The following DGAT1 variants were observed in gnomAD, a reference collection of about 807,000 sequenced individuals.
DGAT1 encodes the protein diacylglycerol O-acyltransferase 1.
DGAT1 carries 60 observed loss-of-function variants against 72.6 expected under a neutral mutation model. That is an observed-to-expected ratio of 0.83 (90% CI 0.67 to 1.02). DGAT1 has a LOEUF of 1.02. Among genes scored for constraint, DGAT1 ranks in the 50% least tolerant of loss-of-function variants. The probability of loss-of-function intolerance (pLI) is 0.00; values close to 1 mark genes in which losing one functional copy is unlikely to be tolerated. For synonymous variants in DGAT1, 290 were observed against 267.5 expected, an observed-to-expected ratio of 1.08 and a Z score of -0.82; for missense variants, 592 against 670.0, an observed-to-expected ratio of 0.88 and a Z score of 1.29.
intron 2 of DGAT1, 119 bp from the exon 3 acceptor site, chr8:144,319,187 C>T: frequency 1.7e-6 from 2 of 1,165,970 alleles, no homozygotes; most frequent in Non-Finnish European, 2.5e-6. Flanking sequence ...CAGCCTCAGG[C>T]TTGCAGACCC....
rs1588679135 is a variant in DGAT1 at position 144,316,237 on chromosome 8, G to A, written c.*317C>T. On this transcript the variant is annotated 3_prime_UTR_variant, in exon 17 of 17. Coordinates refer to ENST00000528718, the MANE Select transcript of DGAT1 (RefSeq NM_012079.6). ...CCACACAGCTCTGGCACTCGCCCTT[G>A]TGGGTGTGGCCATACCCCCCACCAG... 1 of 332,904 alleles carries A rather than the reference G, an allele frequency of 3.0e-6. No homozygotes were observed. Among genetic ancestry groups the A allele is most frequent in the East Asian group, 6.0e-5 (1 of 16,804 alleles). The allele number at this position is 332,904 out of a possible 1,614,324, so 20.6% of individuals were successfully genotyped here. A position where few individuals can be genotyped will look rare whatever the true frequency, so the allele number is the denominator to read the frequency against.
intron 1 of DGAT1, among the ~76,000 whole-genome samples, chr8:144,325,928 C>G (rs1421067543): frequency 6.6e-6 from 1 of 152,138 alleles, no homozygotes; most frequent in African/African-American, 2.4e-5. Flanking sequence ...AACACTGCCC[C>G]TTGTCCGGGG....
chr8:144,318,318 T>C lies in DGAT1; in HGVS notation c.619A>G (p.Lys207Glu). 6.2e-7 allele frequency: 1 copy of C among 1,612,456 alleles called. No homozygotes were observed. Among genetic ancestry groups the C allele is most frequent in the Non-Finnish European group, 8.5e-7 (1 of 1,179,748 alleles). The change falls in exon 7 of 17, where the codon AAG becomes GAG. Residue 207 changes from lysine to glutamate, a missense_variant. Physicochemically the swap from Lys to Glu is moderately conservative, Grantham distance 56. Coordinates refer to ENST00000528718, the MANE Select transcript of DGAT1 (RefSeq NM_012079.6). ...ALMAHTILFLKLFSYRDVNSW... is the reference protein window; with the variant it reads ...ALMAHTILFLELFSYRDVNSW... Reference sequence around the variant, plus strand: ...TTGACGTCGCGGTAGGAGAAGAGCTTGAGGAAGAGGATGGTGTGCGCCATC... The same window carrying C: ...TTGACGTCGCGGTAGGAGAAGAGCTCGAGGAAGAGGATGGTGTGCGCCATC...
Position 144,317,168 on chromosome 8 carries a change from A to G in DGAT1, c.1160+19T>C, listed in dbSNP as rs913662951. On this transcript the variant is annotated intron_variant, in intron 14 of 16. Coordinates refer to ENST00000528718, the MANE Select transcript of DGAT1 (RefSeq NM_012079.6). ...TTCACAGCCATGTTCCACATCACAC[A>G]CACACACACCCCACCTACCTGATGC... 2.5e-6 allele frequency: 4 copies of G among 1,608,532 alleles called. No homozygotes were observed. The highest frequency in any genetic ancestry group is 3.4e-6 in the Non-Finnish European group (4 of 1,175,870).
Position 144,321,384 on chromosome 8 carries a change from T to C in DGAT1, c.225A>G (p.Leu75=), listed in dbSNP as rs940805896. ...ELRCHRLQDS[L]FSSDSGFSNY... is the part of the protein sequence containing the mutation. The stretch of plus-strand genomic sequence containing the variant: ...TGCTGAAGCCACTGTCAGAGCTGAA[T>C]AAAGAATCCTGCAGGCGATGGCACC... Residue 75 remains leucine (L), a synonymous_variant, in exon 2 of 17, where the codon TTA becomes TTG. Transcript: ENST00000528718. The C allele has an allele frequency of 1.2e-6, 2 of 1,613,770 alleles. No homozygotes were observed. The highest frequency in any genetic ancestry group is 1.7e-5 in the Admixed American group (1 of 59,996).
In DGAT1 at chr8:144,315,000, T is replaced by G; in HGVS notation, c.*1554A>C. ...CCCAAGGTGTTCGCACTCGGACAGGTGATGCGGGGCGGGCACACTGTCTTT... is the reference window on the plus strand; with the variant it reads ...CCCAAGGTGTTCGCACTCGGACAGGGGATGCGGGGCGGGCACACTGTCTTT... On this transcript the variant is annotated 3_prime_UTR_variant, in exon 17 of 17. Coordinates refer to ENST00000528718, the MANE Select transcript of DGAT1 (RefSeq NM_012079.6). The G allele has an allele frequency of 1.0e-6, 1 of 985,646 alleles. No homozygotes were observed. Among genetic ancestry groups the G allele is most frequent in the Non-Finnish European group, 1.2e-6 (1 of 830,172 alleles). The allele number at this position is 985,646 out of a possible 1,614,324, so 61.1% of individuals were successfully genotyped here.
intron 1 of DGAT1, among the ~76,000 whole-genome samples, chr8:144,323,540 G>C (rs1333456231): frequency 6.6e-6 from 1 of 152,190 alleles, no homozygotes; most frequent in Non-Finnish European, 1.5e-5. Flanking sequence ...GGAACGGCAT[G>C]GGGAGGTGGG....
Position 144,315,114 on chromosome 8 carries a change from G to T in DGAT1, c.*1440C>A. On this transcript the variant is annotated 3_prime_UTR_variant, in exon 17 of 17. Coordinates refer to ENST00000528718, the MANE Select transcript of DGAT1 (RefSeq NM_012079.6). ...CTCCACTCAGCCTGGTGGAGGAAGG[G>T]AAGGGGGCCTGCGCTGGGCAGTGGA... 1.0e-6 allele frequency: 1 copy of T among 985,540 alleles called. No homozygotes were observed. Among genetic ancestry groups the T allele is most frequent in the Non-Finnish European group, 1.2e-6 (1 of 829,970 alleles). 61.0% of individuals were successfully genotyped at this position (985,540 alleles called of 1,614,324 possible).
At position 144,314,762 on chromosome 8, in the gene DGAT1, G is replaced by C; in HGVS notation, c.*1792C>G. ...TTCCTCTGTCCCAGGGTGGTGCGGT[G>C]GGTGGTGCTGCAATGAGGAGGGGCC... On this transcript the variant is annotated 3_prime_UTR_variant, in exon 17 of 17. Transcript: ENST00000528718. 1 of 266,052 alleles carries C rather than the reference G, an allele frequency of 3.8e-6. No homozygotes were observed. The highest frequency in any genetic ancestry group is 6.1e-6 in the Non-Finnish European group (1 of 163,150). 16.5% of individuals were successfully genotyped at this position (266,052 alleles called of 1,614,324 possible). A position where few individuals can be genotyped will look rare whatever the true frequency, so the allele number is the denominator to read the frequency against.
chr8:144,315,786 C>T lies in DGAT1; in HGVS notation c.*768G>A. On this transcript the variant is annotated 3_prime_UTR_variant, in exon 17 of 17. Coordinates refer to ENST00000528718, the MANE Select transcript of DGAT1 (RefSeq NM_012079.6). ...GAGAGCCACCAGCCCACCTGGCTGC[C>T]CAGGTTCCAAGTGAAGGAAAGAGGC... 3.1e-6 allele frequency: 3 copies of T among 965,864 alleles called. No individual in the cohort carries two copies. The highest frequency in any genetic ancestry group is 3.7e-6 in the Non-Finnish European group (3 of 812,094). 59.8% of individuals were successfully genotyped at this position (965,864 alleles called of 1,614,324 possible).
chr8:144,324,396 C>G (rs559329604), intron 1 of DGAT1, among the ~76,000 whole-genome samples: 3 of 152,184 alleles, frequency 2.0e-5, no homozygotes, highest in Non-Finnish European at 4.4e-5. Context: ...CAAGGCCTGA[C>G]GCAGACAGCA....
chr8:144,319,985 G>A (rs1554847927), intron 2 of DGAT1, among the ~76,000 whole-genome samples: 9 of 152,160 alleles, frequency 5.9e-5, no homozygotes. Flanking sequence ...CTGCTTCAGA[G>A]ACACAAGGGC....
chr8:144,321,022 G>A (rs1004655763), intron 2 of DGAT1, among the ~76,000 whole-genome samples: 3 of 152,152 alleles, frequency 2.0e-5, no homozygotes, highest in East Asian at 1.9e-4. Context: ...GCCAGGCACT[G>A]TTCGGCCTCC....
In DGAT1 at chr8:144,315,393, TCAG is replaced by T; in HGVS notation, c.*1158_*1160del. 1.0e-6 allele frequency: 1 copy of T among 985,458 alleles called. No homozygotes were observed. The highest frequency in any genetic ancestry group is 1.7e-5 in the African/African-American group (1 of 57,330). 61.0% of individuals were successfully genotyped at this position (985,458 alleles called of 1,614,324 possible). A position where few individuals can be genotyped will look rare whatever the true frequency, so the allele number is the denominator to read the frequency against. On this transcript the variant is annotated 3_prime_UTR_variant, in exon 17 of 17. Coordinates refer to ENST00000528718, the MANE Select transcript of DGAT1 (RefSeq NM_012079.6). ...CCCACCCTCCCCTCACACCACCAGTTCAGCAGGTTGCTGATGAGGCCCCTGGTG... is the reference window on the plus strand; with the variant it reads ...CCCACCCTCCCCTCACACCACCAGTTCAGGTTGCTGATGAGGCCCCTGGTG...
rs1352061272 is a variant in DGAT1, at chr8:144,315,376, C to A, written c.*1178G>T. The A allele has an allele frequency of 1.0e-6, 1 of 985,366 alleles. No individual in the cohort carries two copies. Among genetic ancestry groups the A allele is most frequent in the African/African-American group, 1.7e-5 (1 of 57,232 alleles). 61.0% of individuals were successfully genotyped at this position (985,366 alleles called of 1,614,324 possible). A position where few individuals can be genotyped will look rare whatever the true frequency, so the allele number is the denominator to read the frequency against. On this transcript the variant is annotated 3_prime_UTR_variant, in exon 17 of 17. Coordinates refer to ENST00000528718, the MANE Select transcript of DGAT1 (RefSeq NM_012079.6). Reference sequence around the variant, plus strand: ...GGATACCACCAAGGGAGCCCACCCTCCCCTCACACCACCAGTTCAGCAGGT... The same window carrying A: ...GGATACCACCAAGGGAGCCCACCCTACCCTCACACCACCAGTTCAGCAGGT...
chr8:144,325,722 C>A (rs1410477954), intron 1 of DGAT1, among the ~76,000 whole-genome samples: 1 of 152,216 alleles, frequency 6.6e-6, no homozygotes, highest in Non-Finnish European at 1.5e-5. Flanking sequence ...CACACGCCTG[C>A]AGGTGTGTCC....
intron 1 of DGAT1, among the ~76,000 whole-genome samples, chr8:144,322,185 A>T (rs1817477650): frequency 6.6e-6 from 1 of 152,222 alleles, no homozygotes. Flanking sequence ...CACAGGTGGA[A>T]GAGGGCACCC....
rs1564630667 is a variant in DGAT1 at position 144,317,262 on chromosome 8, A to G, written c.1095-10T>C. On this transcript the variant is annotated splice_polypyrimidine_tract_variant and intron_variant, in intron 13 of 16. Transcript: ENST00000528718. ...GACAGACTCGGAGTTCCTGGGGGCC[A>G]AGAGACCACAGGGGGATCAGAGCAC... is the stretch of plus-strand genomic sequence containing the variant. 2 of 1,610,902 alleles carry G rather than the reference A, an allele frequency of 1.2e-6. No homozygotes were observed. The highest frequency in any genetic ancestry group is 2.2e-5 in the East Asian group (1 of 44,790).
In DGAT1 at chr8:144,317,207, A is replaced by G. The variant is rs1554847235; in HGVS notation, c.1140T>C (p.Pro380=). The stretch of plus-strand genomic sequence containing the variant: ...CCTACCTGATGCACCACTTGTGCAC[A>G]GGGATGTTCCAGTTCTGCCAGAAGT... ...VTYFWQNWNI[P]VHKWCIRHFY... is the part of the protein sequence containing the mutation. The change falls in exon 14 of 17, where the codon CCT becomes CCC. Residue 380 remains proline, a synonymous_variant. Transcript: ENST00000528718. 2 of 1,610,136 alleles carry G rather than the reference A, an allele frequency of 1.2e-6. No individual in the cohort carries two copies. The highest frequency in any genetic ancestry group is 1.7e-5 in the Admixed American group (1 of 59,942).
Sources: gnomAD v4.1 joint callset for allele counts (sites outside exome capture counted in the v4.1 genomes callset) on GRCh38, gnomAD v4.1.1 for gene constraint, MANE v1.5 for transcripts, NCBI Gene and HGNC (gene_info 2026-07-23, HGNC 2026-07-21) for gene names.